The following POLG2 variants were observed in gnomAD, a reference collection of about 807,000 sequenced individuals.
The protein encoded by POLG2 is DNA polymerase subunit gamma-2.
POLG2 carries 50 observed loss-of-function variants against 56.5 expected under a neutral mutation model. That is an observed-to-expected ratio of 0.88 (90% CI 0.71 to 1.12). The LOEUF is 1.12. POLG2 is among the 50% of genes most tolerant of loss of function. POLG2 has a pLI of 0.00. For missense variants in POLG2, 584 were observed against 583.3 expected, an observed-to-expected ratio of 1.00 and a Z score of -0.01; for synonymous variants, 226 against 222.6, an observed-to-expected ratio of 1.02 and a Z score of -0.14.
rs1555668368 is a variant in POLG2, at chr17:64,490,932, C to T, written c.833G>A (p.Cys278Tyr). Residue 278 changes from cysteine (C) to tyrosine (Y), a missense_variant, in exon 4 of 8, where the codon TGT (cysteine) becomes TAT (tyrosine). By Grantham distance (194) the Cys-to-Tyr change is radical. Transcript: ENST00000539111. ...MSPSNFSSSDCQDEEGRKGNK... is the reference protein window; with the variant it reads ...MSPSNFSSSDYQDEEGRKGNK... ...TCCTTTCCGGCCTTCTTCATCCTGA[C>T]AGTCACTGCTGCTGAAGTTAGATGG... The T allele has an allele frequency of 1.2e-6, 2 of 1,613,958 alleles. No individual in the cohort carries two copies. The highest frequency in any genetic ancestry group is 4.5e-5 in the East Asian group (2 of 44,870).
chr17:64,482,852 G>T (rs1240413354), intron 6 of POLG2, 67 bp downstream of exon 6: 59 of 922,628 alleles, frequency 6.4e-5, no homozygotes, highest in Non-Finnish European at 1.1e-4. Flanking sequence ...AAATGGTCCT[G>T]GTCCAAAGCG....
At chr17:64,485,670 G>T (rs781932798) in intron 5 of POLG2, 58 bp downstream of exon 5, 2 of 1,351,938 alleles carry the variant, frequency 1.5e-6, no homozygotes, top group South Asian at 2.3e-5. Context: ...CTAACATTAA[G>T]AACAAACAAA....
intron 3 of POLG2, among the ~76,000 whole-genome samples, chr17:64,491,980 TAAAAA>T (rs1362345747): frequency 7.3e-6 from 1 of 136,600 alleles, no homozygotes; most frequent in Non-Finnish European, 1.6e-5. Context: ...TAAAATAAAA[TAAAAA>T]GTGAAAATAC....
rs61733782 is a variant in POLG2 at position 64,480,312 on chromosome 17, G to A, written c.1269C>T (p.Ser423=). The part of the protein sequence containing the change: ...VWPGYLETMQ[S]SLEQLYSKYD... ...ACTTCGAATAAAGTTGTTCCAATGA[G>A]GACTGCATAGTTTCCAAATAACCAG... The change falls in exon 7 of 8, where the codon TCC becomes TCT. Residue 423 remains serine (S), a synonymous_variant. Coordinates refer to ENST00000539111, the MANE Select transcript of POLG2 (RefSeq NM_007215.4). 0.062 allele frequency: 97,132 copies of A among 1,572,444 alleles called. 3,656 individuals are homozygous for A. The highest frequency in any genetic ancestry group is 0.15 in the Admixed American group (9,206 of 59,724).
rs782792486 is a variant in POLG2 at position 64,480,348 on chromosome 17, A to G, written c.1233T>C (p.Ile411=). 26 of 1,600,506 alleles carry G rather than the reference A, an allele frequency of 1.6e-5. No homozygotes were observed. In the South Asian group the frequency reaches 2.3e-4, roughly 14 times the overall value. The change falls in exon 7 of 8, where the codon ATT becomes ATC. Residue 411 remains isoleucine (I), a synonymous_variant. Coordinates refer to ENST00000539111, the MANE Select transcript of POLG2 (RefSeq NM_007215.4). ...TTTCCAAATAACCAGGCCACACAGA[A>G]ATCCCATTTTCTAGTAACTCATTAA... is the stretch of plus-strand genomic sequence containing the variant. ...GLFNELLENG[I]SVWPGYLETM... is the part of the protein sequence containing the mutation.
In POLG2 at chr17:64,477,886, C is replaced by A. The variant is rs1329563127; in HGVS notation, c.1395G>T (p.Met465Ile). 6.2e-7 allele frequency: 1 copy of A among 1,613,354 alleles called. No individual in the cohort carries two copies. The highest frequency in any genetic ancestry group is 8.5e-7 in the Non-Finnish European group (1 of 1,179,772). The change falls in exon 8 of 8, where the codon ATG (methionine) becomes ATT (isoleucine). Residue 465 changes from methionine to isoleucine, a missense_variant. Physicochemically the swap from Met to Ile is conservative, Grantham distance 10 (BLOSUM62 1). Transcript: ENST00000539111. ...LRSRDTTMKE[M>I]MHISKLKDFL... is the part of the protein sequence containing the mutation. Reference sequence around the variant, plus strand: ...AGTCTTTTAATTTGGATATATGCATCATTTCCTTCATTGTGGTGTCTCTGC... The same window carrying A: ...AGTCTTTTAATTTGGATATATGCATAATTTCCTTCATTGTGGTGTCTCTGC...
rs782788313 is a variant in POLG2 at position 64,496,450 on chromosome 17, G to A, written c.519C>T (p.Asn173=). The A allele has an allele frequency of 1.6e-5, 25 of 1,591,924 alleles. No homozygotes were observed. Among genetic ancestry groups the A allele is most frequent in the Non-Finnish European group, 1.6e-5 (19 of 1,162,766 alleles). The part of the protein sequence containing the change: ...SKEQLVAFLE[N]VLKTSGKLRE... ...GTAGTTTCCCAGAAGTTTTTAATAC[G>A]TTCTCAAGAAATGCTACTAGCTGTT... is the stretch of plus-strand genomic sequence containing the variant. Residue 173 remains asparagine, a synonymous_variant, in exon 1 of 8, where the codon AAC becomes AAT. Transcript: ENST00000539111.
intron 6 of POLG2, among the ~76,000 whole-genome samples, chr17:64,480,818 AAGAAAAAGGATG>A (rs1207769604): frequency 6.6e-6 from 1 of 152,214 alleles, no homozygotes; most frequent in African/African-American, 2.4e-5. Flanking sequence ...AGAGCCAGGA[AAGAAAAAGGATG>A]AGAAAAAGGA....
intron 3 of POLG2, 54 bp downstream of exon 3, chr17:64,492,613 A>T: frequency 2.0e-6 from 2 of 981,446 alleles, no homozygotes; most frequent in Non-Finnish European, 3.2e-6. Context: ...TACCACTGAC[A>T]CATTAAGACA....
intron 6 of POLG2, chr17:64,481,511 T>C (rs2037855308): frequency 1.8e-6 from 1 of 557,726 alleles, no homozygotes. Flanking sequence ...TAGAACAAAT[T>C]AGAAAAATCA....
At position 64,477,986 on chromosome 17, in the gene POLG2, T is replaced by C. The variant is rs782548679; in HGVS notation, c.1295A>G (p.Tyr432Cys). ...QSSLEQLYSK[Y>C]DEMSILFTVL... The stretch of plus-strand genomic sequence containing the variant: ...TGTGAAGAGAATACTCATTTCATCA[T>C]ACCTAAGAAAAAAGTAGTTAAACAG... The change falls in exon 8 of 8, where the codon TAT becomes TGT. Residue 432 changes from tyrosine (Y) to cysteine (C), a missense_variant and splice_region_variant. Transcript: ENST00000539111. 4.2e-5 allele frequency: 68 copies of C among 1,613,600 alleles called. No homozygotes were observed. The highest frequency in any genetic ancestry group is 5.5e-5 in the Non-Finnish European group (65 of 1,179,772).
At chr17:64,484,570 G>A (rs2037920388) in intron 5 of POLG2, among the ~76,000 whole-genome samples, 1 of 152,106 alleles carries the variant, frequency 6.6e-6, no homozygotes. Flanking sequence ...GAGGAGTGGC[G>A]GTGGCTTATA....
At position 64,483,010 on chromosome 17, in the gene POLG2, TA is replaced by T; in HGVS notation, c.1111-12del. On this transcript the variant is annotated splice_polypyrimidine_tract_variant and intron_variant, in intron 5 of 7. Transcript: ENST00000539111. Reference sequence around the variant, plus strand: ...GTGAAGTTTAAGTACCTAAGGCAATTAAATGGGGGAGGGAGAAGACAGGAAA... The same window carrying T: ...GTGAAGTTTAAGTACCTAAGGCAATTAATGGGGGAGGGAGAAGACAGGAAA... 1 of 1,457,632 alleles carries T rather than the reference TA, an allele frequency of 6.9e-7. No individual in the cohort carries two copies. Among genetic ancestry groups the T allele is most frequent in the Non-Finnish European group, 9.6e-7 (1 of 1,040,870 alleles). 90.3% of individuals were successfully genotyped at this position (1,457,632 alleles called of 1,614,324 possible). A position where few individuals can be genotyped will look rare whatever the true frequency, so the allele number is the denominator to read the frequency against.
At position 64,491,687 on chromosome 17, in the gene POLG2, G is replaced by A. The variant is rs1555668499; in HGVS notation, c.796-718C>T. Reference sequence around the variant, plus strand: ...ACAAGTACATCAACGTGAAGAAGGGGAGCATCTCGGGGTTTACCATGGTGC... The same window carrying A: ...ACAAGTACATCAACGTGAAGAAGGGAAGCATCTCGGGGTTTACCATGGTGC... On this transcript the variant is annotated intron_variant, in intron 3 of 7. Transcript: ENST00000539111. 3 of 1,155,432 alleles carry A rather than the reference G, an allele frequency of 2.6e-6. No homozygotes were observed. The African/African-American group carries it at 4.6e-5, about 18-fold the overall frequency. The allele number at this position is 1,155,432 out of a possible 1,614,324, so 71.6% of individuals were successfully genotyped here. A position where few individuals can be genotyped will look rare whatever the true frequency, so the allele number is the denominator to read the frequency against.
At chr17:64,490,614 G>C in intron 4 of POLG2, 182 bp downstream of exon 4, 1 of 618,934 alleles carries the variant, frequency 1.6e-6, no homozygotes, top group Non-Finnish European at 2.9e-6. Flanking sequence ...GGCAATAGTG[G>C]ATTACTGTTA....
intron 3 of POLG2, among the ~76,000 whole-genome samples, 196 bp downstream of exon 3, chr17:64,492,471 G>A (rs927302872): frequency 2.0e-4 from 30 of 152,120 alleles, no homozygotes; most frequent in African/African-American, 6.8e-4. Context: ...ACACATCTGA[G>A]CCCAACAAAT....
intron 1 of POLG2, among the ~76,000 whole-genome samples, chr17:64,493,679 G>C (rs887209190): frequency 1.3e-5 from 2 of 151,976 alleles, no homozygotes; most frequent in Non-Finnish European, 2.9e-5. Flanking sequence ...GTAGAGACGG[G>C]GTTTCACCGT....
intron 4 of POLG2, among the ~76,000 whole-genome samples, chr17:64,490,252 G>C (rs1161768898): frequency 6.6e-6 from 1 of 152,116 alleles, no homozygotes; most frequent in Non-Finnish European, 1.5e-5. Flanking sequence ...CTATTTATTA[G>C]CTTTACACTG....
intron 4 of POLG2, among the ~76,000 whole-genome samples, chr17:64,489,269 C>T (rs1408226925): frequency 2.1e-5 from 3 of 145,544 alleles, no homozygotes; most frequent in African/African-American, 7.6e-5. Context: ...CTGTGAAATA[C>T]CAATTTAAAA....
Sources: gnomAD v4.1 joint callset for allele counts (sites outside exome capture counted in the v4.1 genomes callset) on GRCh38, gnomAD v4.1.1 for gene constraint, MANE v1.5 for transcripts, NCBI Gene and HGNC (gene_info 2026-07-23, HGNC 2026-07-21) for gene names.